The following RORB variants were observed in gnomAD, a reference collection of about 807,000 sequenced individuals.
The protein encoded by RORB is nuclear receptor ROR-beta.
A neutral mutation model predicts 59.1 loss-of-function variants in RORB; 6 were observed. That is an observed-to-expected ratio of 0.10 (90% confidence interval 0.06 to 0.20). The LOEUF (loss-of-function observed/expected upper bound fraction) is 0.20. Ranked by LOEUF, RORB falls within the 10% of genes least tolerant of loss-of-function variation. RORB has a pLI of 1.00. For synonymous variants in RORB, 215 were observed against 204.5 expected (o/e 1.05, Z -0.44); for missense variants, 320 against 560.5 (o/e 0.57, Z 4.33).
chr9:74,655,209 T>C (rs1382251784), intron 4 of RORB, among the ~76,000 whole-genome samples: 1 of 152,188 alleles, frequency 6.6e-6, no homozygotes, highest in Non-Finnish European at 1.5e-5. Context: ...GCATTTTCAT[T>C]ACAAGTTTTC....
chr9:74,597,213 A>G (rs1414621574), intron 1 of RORB, among the ~76,000 whole-genome samples: 1 of 152,232 alleles, frequency 6.6e-6, no homozygotes, highest in Non-Finnish European at 1.5e-5. Flanking sequence ...ATACCAGATC[A>G]TTGGTAACTG....
intron 1 of RORB, among the ~76,000 whole-genome samples, chr9:74,622,398 A>G (rs1245890032): frequency 2.6e-5 from 4 of 152,144 alleles, no homozygotes; most frequent in African/African-American, 9.7e-5. Flanking sequence ...CTTCACAGAG[A>G]GGAGAGGTTT....
intron 1 of RORB, among the ~76,000 whole-genome samples, chr9:74,611,411 C>T (rs1190598610): frequency 6.6e-6 from 1 of 152,174 alleles, no homozygotes; most frequent in Non-Finnish European, 1.5e-5. Context: ...TTAGAACCAA[C>T]TATGATTAAA....
At position 74,541,279 on chromosome 9, in the gene RORB, CAAAAA is replaced by C. The variant is rs374556016; in HGVS notation, c.7+43319_7+43323del. ...TGGGCAACAGAAAGAGACTCCATCT[CAAAAA>C]AAAAAAAAAAAAAAAAAAAAAAGTA... On this transcript the variant is annotated intron_variant, in intron 1 of 9. Transcript: ENST00000376896. Among the ~76,000 whole-genome samples, 273 of 43,518 alleles carry C rather than the reference CAAAAA, an allele frequency of 6.3e-3. 2 individuals carry two copies. Among genetic ancestry groups the C allele is most frequent in the Non-Finnish European group, 7.4e-3 (213 of 28,790 alleles). 28.5% of individuals were successfully genotyped at this position (43,518 alleles called of 152,430 possible).
chr9:74,544,554 C>T (rs1172592817), intron 1 of RORB, among the ~76,000 whole-genome samples: 2 of 152,198 alleles, frequency 1.3e-5, no homozygotes, highest in Non-Finnish European at 2.9e-5. Flanking sequence ...GCCTGAATGT[C>T]TTCACCTGAC....
At position 74,533,788 on chromosome 9, in the gene RORB, T is replaced by C. The variant is rs2118107226; in HGVS notation, c.7+35805T>C. ...AAATGTCTAATTCCTTTTTACTAAA[T>C]ATATTCGTGCTGAAATTTCAGACTT... On this transcript the variant is annotated intron_variant, in intron 1 of 9. Transcript: ENST00000376896. 2.6e-5 allele frequency among the ~76,000 whole-genome samples: 4 copies of C among 152,178 alleles called. No homozygotes were observed. In the Middle Eastern group the frequency reaches 0.014, roughly 521 times the overall value.
Position 74,549,454 on chromosome 9 carries a change from AG to A in RORB, c.7+51472del, listed in dbSNP as rs1203336286. Among the ~76,000 whole-genome samples, 336 of 126,850 alleles carry A rather than the reference AG, an allele frequency of 2.6e-3. 37 individuals are homozygous for A. The highest frequency in any genetic ancestry group is 6.6e-3 in the African/African-American group (213 of 32,502). The allele number at this position is 126,850 out of a possible 152,430, so 83.2% of individuals were successfully genotyped here. On this transcript the variant is annotated intron_variant, in intron 1 of 9. Transcript: ENST00000376896. ...GCAAAATTCCGTCAAAAAAAAAAAA[AG>A]AAGAAAGAGAGAGAGAGAGAGGTAG...
intron 2 of RORB, among the ~76,000 whole-genome samples, chr9:74,630,607 G>C (rs1563958307): frequency 6.6e-6 from 1 of 152,068 alleles, no homozygotes; most frequent in Non-Finnish European, 1.5e-5. Flanking sequence ...TTAAAACCTT[G>C]GGTTATTCAC....
intron 1 of RORB, among the ~76,000 whole-genome samples, chr9:74,568,416 C>G (rs758299104): frequency 6.6e-6 from 1 of 151,764 alleles, no homozygotes; most frequent in Non-Finnish European, 1.5e-5. Context: ...GAAAATTAAA[C>G]CGGAGCCGGG....
At chr9:74,568,798 C>A (rs949285472) in intron 1 of RORB, among the ~76,000 whole-genome samples, 3 of 150,678 alleles carry the variant, frequency 2.0e-5, no homozygotes, top group African/African-American at 4.9e-5. Context: ...GTGAAATGAA[C>A]ATTTAAAATC....
intron 1 of RORB, among the ~76,000 whole-genome samples, chr9:74,500,812 C>A (rs1408372312): frequency 6.6e-6 from 1 of 152,164 alleles, no homozygotes. Context: ...TCCTGCCCCA[C>A]GGCTGAACTG....
intron 1 of RORB, among the ~76,000 whole-genome samples, chr9:74,609,577 T>C (rs773344308): frequency 1.3e-5 from 2 of 152,240 alleles, no homozygotes; most frequent in Non-Finnish European, 2.9e-5. Context: ...TGATAGCTGA[T>C]ATTTACTGAA....
At chr9:74,670,101 C>A (rs1292740673) in intron 8 of RORB, among the ~76,000 whole-genome samples, 1 of 151,824 alleles carries the variant, frequency 6.6e-6, no homozygotes, top group African/African-American at 2.4e-5. Flanking sequence ...GAAAGTTTCC[C>A]AGGCTTGGAA....
At chr9:74,529,879 A>G (rs1190271964) in intron 1 of RORB, among the ~76,000 whole-genome samples, 1 of 151,974 alleles carries the variant, frequency 6.6e-6, no homozygotes, top group Non-Finnish European at 1.5e-5. Flanking sequence ...TCATGTAACC[A>G]AACACCACAT....
In RORB at chr9:74,642,588, C is replaced by A. The variant is rs750627186; in HGVS notation, c.410C>A (p.Thr137Asn). 6.2e-7 allele frequency: 1 copy of A among 1,614,212 alleles called. No individual in the cohort carries two copies. Among genetic ancestry groups the A allele is most frequent in the Non-Finnish European group, 8.5e-7 (1 of 1,180,028 alleles). Reference protein sequence around the residue: ...SNGLSNLNNETSGTYANGHVI... With the variant: ...SNGLSNLNNENSGTYANGHVI... ...GGCCTGAGCAACCTGAACAACGAGA[C>A]CAGCGGCACTTATGCCAACGGGCAC... is the stretch of plus-strand genomic sequence containing the variant. The change falls in exon 4 of 10, where the codon ACC becomes AAC. Residue 137 changes from threonine (T) to asparagine (N), a missense_variant. By Grantham distance (65) the Thr-to-Asn change is moderately conservative. Around this residue, in one of 4 missense-constraint regions of RORB, gnomAD observed 134 missense variants for 156.2 expected, o/e 0.86. Transcript: ENST00000376896.
At chr9:74,613,352 T>A (rs1353169714) in intron 1 of RORB, among the ~76,000 whole-genome samples, 1 of 152,144 alleles carries the variant, frequency 6.6e-6, no homozygotes. Context: ...TTTGCTAAAG[T>A]TTTTACCAAA....
chr9:74,648,221 A>G (rs995461095), intron 4 of RORB, among the ~76,000 whole-genome samples: 1 of 152,158 alleles, frequency 6.6e-6, no homozygotes, highest in Non-Finnish European at 1.5e-5. Flanking sequence ...GTGAACTTTC[A>G]TTGTCATCTA....
rs138798239 is a variant in RORB, at chr9:74,527,327, A to G, written c.7+29344A>G. Among the ~76,000 whole-genome samples, 369 of 152,114 alleles carry G rather than the reference A, an allele frequency of 2.4e-3. 1 individual carries two copies. The highest frequency in any genetic ancestry group is 8.5e-3 in the African/African-American group (355 of 41,554). On this transcript the variant is annotated intron_variant, in intron 1 of 9. Coordinates refer to ENST00000376896, the MANE Select transcript of RORB (RefSeq NM_006914.4). ...ATTCTTAAGTATTTACTGAACACCT[A>G]TTATGTGCCAGTCGCTGTTCCAAAA...
chr9:74,674,363 C>G (rs1228339897), intron 9 of RORB, among the ~76,000 whole-genome samples: 1 of 152,174 alleles, frequency 6.6e-6, no homozygotes, highest in Non-Finnish European at 1.5e-5. Flanking sequence ...TAAAAAAATG[C>G]ACATGTACCC....
Sources: gnomAD v4.1 joint callset for allele counts (sites outside exome capture counted in the v4.1 genomes callset) on GRCh38, gnomAD v4.1.1 for gene constraint, gnomAD v4.1.1 regional missense constraint, MANE v1.5 for transcripts, NCBI Gene and HGNC (gene_info 2026-07-23, HGNC 2026-07-21) for gene names.